GALNT17: variants seen among roughly 807,000 people sequenced by gnomAD.
GALNT17 encodes the protein polypeptide N-acetylgalactosaminyltransferase 17, also known as UDP-GalNAc:polypeptide N-acetylgalactosaminyltransferase-like 3.
In GALNT17, 29 loss-of-function variants were observed where a neutral mutation model predicts 63.7. The ratio of observed to expected loss-of-function variants is 0.46; its 90% CI spans 0.34 to 0.62. GALNT17 has a LOEUF of 0.62. Ranked by LOEUF, GALNT17 falls within the 20% of genes least tolerant of loss-of-function variation. GALNT17 has a pLI of 0.01. For synonymous variants in GALNT17, 305 were observed against 318.3 expected, an observed-to-expected ratio of 0.96 and a Z score of 0.45; for missense variants, 603 against 799.6, an observed-to-expected ratio of 0.75 and a Z score of 2.97.
chr7:71,255,735 G>A (rs996788146), intron 1 of GALNT17, among the ~76,000 whole-genome samples: 4 of 152,168 alleles, frequency 2.6e-5, no homozygotes, highest in Admixed American at 2.0e-4. Flanking sequence ...CTTTTTCAGG[G>A]GAGCTGGCTT....
At chr7:71,504,283 C>T (rs1436911027) in intron 5 of GALNT17, among the ~76,000 whole-genome samples, 3 of 150,326 alleles carry the variant, frequency 2.0e-5, no homozygotes, top group Non-Finnish European at 4.4e-5. Flanking sequence ...ATCCCAGCTA[C>T]TCTCGGGAGG....
chr7:71,192,855 T>C (rs960217031), intron 1 of GALNT17, among the ~76,000 whole-genome samples: 5 of 152,190 alleles, frequency 3.3e-5, no homozygotes, highest in Admixed American at 2.6e-4. Flanking sequence ...TGTGGAGTGG[T>C]AGCCCACATG....
intron 2 of GALNT17, among the ~76,000 whole-genome samples, chr7:71,380,179 T>G (rs1181775885): frequency 6.6e-6 from 1 of 151,912 alleles, no homozygotes; most frequent in Non-Finnish European, 1.5e-5. Flanking sequence ...ACAAGAGCAG[T>G]TTCAGCAAAA....
rs186362346 is a variant in GALNT17 at position 71,415,811 on chromosome 7, C to T, written c.590-78C>T. 2.1e-6 allele frequency: 3 copies of T among 1,423,232 alleles called. No individual in the cohort carries two copies. In the Admixed American group the frequency reaches 7.8e-5, roughly 37 times the overall value. The allele number at this position is 1,423,232 out of a possible 1,614,324, so 88.2% of individuals were successfully genotyped here. A position where few individuals can be genotyped will look rare whatever the true frequency, so the allele number is the denominator to read the frequency against. On this transcript the variant is annotated intron_variant, in intron 3 of 10. Coordinates refer to ENST00000333538, the MANE Select transcript of GALNT17 (RefSeq NM_022479.3). ...TGAGATCTTTGAACTCCCTGAAGATCTGTGGGCATTGCAGTGGGTTAGATG... is the reference window on the plus strand; with the variant it reads ...TGAGATCTTTGAACTCCCTGAAGATTTGTGGGCATTGCAGTGGGTTAGATG...
chr7:71,501,705 C>T (rs146398631), intron 5 of GALNT17, among the ~76,000 whole-genome samples: 29 of 152,262 alleles, frequency 1.9e-4, no homozygotes, highest in Non-Finnish European at 3.8e-4. Context: ...CCCAAGCAGC[C>T]CTGCCCTCCA....
At chr7:71,217,689 G>A (rs958709218) in intron 1 of GALNT17, among the ~76,000 whole-genome samples, 2 of 152,080 alleles carry the variant, frequency 1.3e-5, no homozygotes, top group African/African-American at 4.8e-5. Context: ...ACTTTGGGAG[G>A]CTGAGGTGGG....
chr7:71,462,213 GC>G (rs1787463385), intron 5 of GALNT17, among the ~76,000 whole-genome samples: 1 of 152,138 alleles, frequency 6.6e-6, no homozygotes, highest in Non-Finnish European at 1.5e-5. Context: ...TGAAATTCTG[GC>G]CCTTTCATCC....
rs186159731 is a variant in GALNT17, at chr7:71,604,823, T to G, written c.1080+33421T>G. 3.3e-3 allele frequency among the ~76,000 whole-genome samples: 507 copies of G among 152,288 alleles called. 3 individuals are homozygous for G. Among genetic ancestry groups the G allele is most frequent in the Middle Eastern group, 0.014 (4 of 294 alleles). Reference sequence around the variant, plus strand: ...CTTCTACAGGGTAAATGTACCAAGTTCCTCACTGGTCCTCTAATCTAATGC... The same window carrying G: ...CTTCTACAGGGTAAATGTACCAAGTGCCTCACTGGTCCTCTAATCTAATGC... On this transcript the variant is annotated intron_variant, in intron 6 of 10. Coordinates refer to ENST00000333538, the MANE Select transcript of GALNT17 (RefSeq NM_022479.3).
intron 1 of GALNT17, among the ~76,000 whole-genome samples, chr7:71,221,710 C>T (rs959828264): frequency 1.3e-5 from 2 of 152,168 alleles, no homozygotes; most frequent in African/African-American, 4.8e-5. Context: ...CTCTTTGCAT[C>T]TCTGCACGCT....
At chr7:71,225,859 T>C (rs2116431672) in intron 1 of GALNT17, among the ~76,000 whole-genome samples, 1 of 152,318 alleles carries the variant, frequency 6.6e-6, no homozygotes, top group East Asian at 1.9e-4. Flanking sequence ...ATGATGTTGA[T>C]GTATATTTTT....
At chr7:71,611,647 C>CA (rs879627980) in intron 6 of GALNT17, among the ~76,000 whole-genome samples, 34 of 151,534 alleles carry the variant, frequency 2.2e-4, no homozygotes, top group Non-Finnish European at 2.8e-4. Flanking sequence ...GTCATACATC[C>CA]AAAAAAAACA....
chr7:71,286,335 C>A (rs1790872341), intron 1 of GALNT17, among the ~76,000 whole-genome samples: 1 of 152,164 alleles, frequency 6.6e-6, no homozygotes, highest in Non-Finnish European at 1.5e-5. Context: ...CTCTATTAGA[C>A]CTTTTACATT....
chr7:71,635,039 T>C (rs928833793), intron 6 of GALNT17, among the ~76,000 whole-genome samples: 1 of 151,880 alleles, frequency 6.6e-6, no homozygotes, highest in Non-Finnish European at 1.5e-5. Context: ...AAACCCCGTC[T>C]CTACTAAAAG....
intron 5 of GALNT17, among the ~76,000 whole-genome samples, chr7:71,441,996 G>A (rs1361951045): frequency 6.6e-6 from 1 of 152,152 alleles, no homozygotes; most frequent in East Asian, 1.9e-4. Context: ...TTGGGTATAT[G>A]CCCAGTAATG....
In GALNT17 at chr7:71,624,804, A is replaced by G. The variant is rs78720624; in HGVS notation, c.1081-40607A>G. 6.6e-3 allele frequency among the ~76,000 whole-genome samples: 1,012 copies of G among 152,326 alleles called. 12 individuals carry two copies. Among genetic ancestry groups the G allele is most frequent in the African/African-American group, 0.023 (938 of 41,580 alleles). The stretch of plus-strand genomic sequence containing the variant: ...TAACTGTATTTTCCAAAACAAAAAC[A>G]TATTAGAAGGAGGACGGCATTGTTT... On this transcript the variant is annotated intron_variant, in intron 6 of 10. Coordinates refer to ENST00000333538, the MANE Select transcript of GALNT17 (RefSeq NM_022479.3).
intron 2 of GALNT17, among the ~76,000 whole-genome samples, chr7:71,354,239 T>C (rs1189775030): frequency 2.0e-5 from 3 of 152,208 alleles, no homozygotes; most frequent in Non-Finnish European, 4.4e-5. Flanking sequence ...TAGTCAATTA[T>C]GTTTCCTAAT....
chr7:71,512,284 G>C (rs1788372866), intron 5 of GALNT17, among the ~76,000 whole-genome samples: 1 of 152,076 alleles, frequency 6.6e-6, no homozygotes. Flanking sequence ...GGGATTATAA[G>C]TATGAGCCAC....
At chr7:71,590,723 G>GTTGT (rs538137697) in intron 6 of GALNT17, among the ~76,000 whole-genome samples, 7 of 152,088 alleles carry the variant, frequency 4.6e-5, no homozygotes, top group East Asian at 3.9e-4. Context: ...TTTTGTTGTT[G>GTTGT]TTGTTTGTTT....
Position 71,388,405 on chromosome 7 carries a change from C to T in GALNT17, c.589+4C>T. 1 of 1,613,546 alleles carries T rather than the reference C, an allele frequency of 6.2e-7. No individual in the cohort carries two copies. The highest frequency in any genetic ancestry group is 8.5e-7 in the Non-Finnish European group (1 of 1,179,678). On this transcript the variant is annotated splice_donor_region_variant and intron_variant, in intron 3 of 10. Coordinates refer to ENST00000333538, the MANE Select transcript of GALNT17 (RefSeq NM_022479.3). ...GTGGATGACAACAGCGACGAAGGTA[C>T]AGGGGTGGCTGACCTGTGCACAGGA...
Sources: allele counts gnomAD v4.1 joint callset (sites outside exome capture counted in the v4.1 genomes callset), GRCh38; gene constraint gnomAD v4.1.1; transcripts MANE v1.5; gene names NCBI Gene and HGNC (gene_info 2026-07-23, HGNC 2026-07-21).